Variants in DOCK9 observed in about 807,000 individuals in gnomAD.
DOCK9 encodes dedicator of cytokinesis 9.
A neutral mutation model predicts 263.3 loss-of-function variants in DOCK9; 89 were observed. The ratio of observed to expected loss-of-function variants is 0.34; its 90% CI spans 0.28 to 0.40. The LOEUF (loss-of-function observed/expected upper bound fraction) is 0.40. Among genes scored for constraint, DOCK9 ranks in the 10% least tolerant of loss-of-function variants. The pLI is 1.00. For missense variants in DOCK9, 2,140 were observed against 2,603.4 expected (o/e 0.82, Z 3.87); for synonymous variants, 976 against 973.1 (o/e 1.00, Z -0.06).
chr13:99,078,832 C>T, intron 1 of DOCK9, among the ~76,000 whole-genome samples: 1 of 152,016 alleles, frequency 6.6e-6, no homozygotes, highest in East Asian at 1.9e-4. Context: ...CAATATTGAC[C>T]AAAGTGATAA....
chr13:98,846,629 G>A, intron 37 of DOCK9: 3 of 1,144,644 alleles, frequency 2.6e-6, no homozygotes, highest in Non-Finnish European at 3.6e-6. Context: ...TTCCTGCTGT[G>A]TACCATCACC....
At chr13:99,070,809 T>C (rs2041636095) in intron 1 of DOCK9, among the ~76,000 whole-genome samples, 1 of 152,238 alleles carries the variant, frequency 6.6e-6, no homozygotes, top group Non-Finnish European at 1.5e-5. Flanking sequence ...AGAAACTTGG[T>C]TATACAACTG....
chr13:98,992,216 T>A lies in DOCK9; in HGVS notation c.130-36665A>T, dbSNP rs371907302. On this transcript the variant is annotated intron_variant, in intron 1 of 32. Coordinates refer to the DOCK9 transcript ENST00000427887. ...TTCAGGAGATGGGGTGCTATTTGAATGGTGTCTAAAAGGTGGTGGTTCCCA... is the reference window on the plus strand; with the variant it reads ...TTCAGGAGATGGGGTGCTATTTGAAAGGTGTCTAAAAGGTGGTGGTTCCCA... 1.6e-3 allele frequency among the ~76,000 whole-genome samples: 246 copies of A among 152,094 alleles called. 9 individuals are homozygous for A. In the South Asian group the frequency reaches 0.048, roughly 30 times the overall value.
At chr13:98,828,590 A>T (rs1183021826) in intron 43 of DOCK9, among the ~76,000 whole-genome samples, 3 of 152,258 alleles carry the variant, frequency 2.0e-5, no homozygotes, top group Non-Finnish European at 4.4e-5. Context: ...AAAGTTTAAA[A>T]GTCAAAACTT....
chr13:98,832,129 G>C (rs750863732), intron 39 of DOCK9: 19 of 225,044 alleles, frequency 8.4e-5, no homozygotes, highest in Non-Finnish European at 1.3e-4. Context: ...TTCCAACAGA[G>C]AAGTGCCATC....
chr13:99,053,111 A>G (rs1271842512), intron 1 of DOCK9, among the ~76,000 whole-genome samples: 1 of 152,160 alleles, frequency 6.6e-6, no homozygotes, highest in Non-Finnish European at 1.5e-5. Context: ...CTGAAAATAA[A>G]ATAGATTACC....
chr13:98,814,873 G>C (rs1247550797), intron 45 of DOCK9, among the ~76,000 whole-genome samples: 3 of 151,904 alleles, frequency 2.0e-5, no homozygotes, highest in Non-Finnish European at 4.4e-5. Context: ...CCCAGGAGGA[G>C]GTTGCAGTGA....
At chr13:98,824,286 A>G (rs1194004220) in intron 45 of DOCK9, 112 bp downstream of exon 45, 3 of 854,118 alleles carry the variant, frequency 3.5e-6, no homozygotes, top group Non-Finnish European at 5.8e-6. Context: ...AGCTATGTGT[A>G]TAAGTAGCAG....
chr13:98,915,655 C>CT (rs539212816), intron 7 of DOCK9, among the ~76,000 whole-genome samples, 152 bp from the exon 8 acceptor site: 1 of 150,660 alleles, frequency 6.6e-6, no homozygotes, highest in African/African-American at 2.4e-5. Context: ...AGCCCCCCCC[C>CT]ATGAAATCCC....
At chr13:98,810,322 A>G in intron 45 of DOCK9, 31 bp from the exon 46 acceptor site, 1 of 1,611,216 alleles carries the variant, frequency 6.2e-7, no homozygotes, top group Non-Finnish European at 8.5e-7. Flanking sequence ...ACAGCAAGAG[A>G]AGAGCGTTAT....
chr13:99,083,290 G>C (rs569657586), intron 1 of DOCK9, among the ~76,000 whole-genome samples: 3 of 151,398 alleles, frequency 2.0e-5, no homozygotes, highest in South Asian at 4.2e-4. Context: ...GCTCATGAAA[G>C]AGCTAACCAT....
At chr13:98,972,042 T>TCGTG (rs2059788422) in intron 1 of DOCK9, among the ~76,000 whole-genome samples, 1 of 152,222 alleles carries the variant, frequency 6.6e-6, no homozygotes, top group South Asian at 2.1e-4. Context: ...TGTTCATGAA[T>TCGTG]CGTGCATATG....
chr13:98,947,562 T>C (rs1402265302), intron 2 of DOCK9, among the ~76,000 whole-genome samples: 1 of 145,148 alleles, frequency 6.9e-6, no homozygotes, highest in East Asian at 2.1e-4. Context: ...AGGCTGGGGT[T>C]GCAGTGGCAC....
At chr13:98,885,224 C>T (rs1204940051) in intron 20 of DOCK9, 132 bp from the exon 21 acceptor site, 2 of 1,253,432 alleles carry the variant, frequency 1.6e-6, no homozygotes. Context: ...ATTTAAAATG[C>T]CCTAAATGTA....
At chr13:98,988,461 C>A (rs1334133409) in intron 1 of DOCK9, among the ~76,000 whole-genome samples, 1 of 152,134 alleles carries the variant, frequency 6.6e-6, no homozygotes, top group East Asian at 1.9e-4. Flanking sequence ...TCTTATTTTA[C>A]AAAGGAGGAC....
At chr13:98,839,084 T>C (rs551738818) in intron 38 of DOCK9, among the ~76,000 whole-genome samples, 5 of 152,356 alleles carry the variant, frequency 3.3e-5, no homozygotes, top group African/African-American at 1.2e-4. Flanking sequence ...TTTTAAAATA[T>C]GATAGAAATG....
chr13:99,074,214 G>A (rs2041813060), intron 1 of DOCK9, among the ~76,000 whole-genome samples: 2 of 152,194 alleles, frequency 1.3e-5, no homozygotes, highest in African/African-American at 4.8e-5. Flanking sequence ...ATCTTAAAAT[G>A]GCAGGCAACT....
chr13:98,928,105 C>A (rs1238331862), intron 3 of DOCK9, among the ~76,000 whole-genome samples: 1 of 151,738 alleles, frequency 6.6e-6, no homozygotes, highest in Non-Finnish European at 1.5e-5. Flanking sequence ...ACATAGCAGG[C>A]ATTGGCTAAA....
At chr13:98,905,355 T>A (rs186191272) in intron 9 of DOCK9, among the ~76,000 whole-genome samples, 79 of 152,136 alleles carry the variant, frequency 5.2e-4, no homozygotes, top group Admixed American at 5.2e-3. Context: ...AGAGAGCATA[T>A]CAACAGGTAA....
Sources: gnomAD v4.1 joint callset for allele counts (sites outside exome capture counted in the v4.1 genomes callset) on GRCh38, gnomAD v4.1.1 for gene constraint, MANE v1.5 for transcripts, NCBI Gene and HGNC (gene_info 2026-07-23, HGNC 2026-07-21) for gene names.